Variants in NFAM1 observed in about 807,000 individuals in gnomAD.
NFAM1 encodes the protein NFAT activation molecule 1.
NFAM1 carries 17 observed loss-of-function variants against 29.0 expected under a neutral mutation model. The observed-to-expected ratio is 0.59, with a 90% CI of 0.40 to 0.88. NFAM1 has a LOEUF of 0.88. NFAM1 is among the 40% of genes least tolerant of loss of function. NFAM1 has a pLI of 0.00. For synonymous variants in NFAM1, 175 were observed against 147.2 expected (o/e 1.19, Z -1.36); for missense variants, 324 against 344.6 (o/e 0.94, Z 0.47).
chr22:42,399,329 C>T (rs1929642905), intron 3 of NFAM1, among the ~76,000 whole-genome samples: 1 of 151,822 alleles, frequency 6.6e-6, no homozygotes, highest in Non-Finnish European at 1.5e-5. Flanking sequence ...CGCCTGTAAT[C>T]CCAGCTACTC....
chr22:42,434,738 G>A (rs1014783180), upstream of NFAM1, among the ~76,000 whole-genome samples: 3 of 152,258 alleles, frequency 2.0e-5, no homozygotes, highest in Non-Finnish European at 4.4e-5. Context: ...GGCTGAAGGC[G>A]GAGCAGAGGA....
At chr22:42,411,759 G>C in intron 1 of NFAM1, 23 bp from the exon 2 acceptor site, 1 of 1,567,622 alleles carries the variant, frequency 6.4e-7, no homozygotes, top group Non-Finnish European at 8.8e-7. Flanking sequence ...CAAAGGGAGA[G>C]AGCAACAGGT....
At chr22:42,433,692 G>A (rs1930873722), upstream of NFAM1, among the ~76,000 whole-genome samples, 1 of 152,146 alleles carries the variant, frequency 6.6e-6, no homozygotes, top group African/African-American at 2.4e-5. Context: ...CGCCCACCAG[G>A]GGAGGAAGAC....
Position 42,411,462 on chromosome 22 carries a change from AGAG to A in NFAM1, c.393_395del (p.Ser132del), listed in dbSNP as rs781215390. On this transcript the variant is annotated inframe_deletion, in exon 2 of 6. Transcript: ENST00000329021. ...TCACCGTGGAGTGTGGCCAGTGGAC[AGAG>A]CAGTAGTAGGTGCCAGTGGCCGATG... 6.2e-7 allele frequency: 1 copy of A among 1,614,202 alleles called. No homozygotes were observed.
intron 3 of NFAM1, among the ~76,000 whole-genome samples, chr22:42,404,887 T>G (rs1468040663): frequency 2.0e-5 from 3 of 148,708 alleles, no homozygotes; most frequent in Non-Finnish European, 4.4e-5. Context: ...TCTCCTTCCA[T>G]GTTCACTTAG....
chr22:42,416,856 C>A (rs1930276158), intron 1 of NFAM1, among the ~76,000 whole-genome samples: 1 of 152,190 alleles, frequency 6.6e-6, no homozygotes, highest in South Asian at 2.1e-4. Flanking sequence ...AGTGAGCTGG[C>A]TGAGTGTCCT....
rs1026134161 is a variant in NFAM1 at position 42,384,893 on chromosome 22, C to T, written c.*268G>A. ...AGGAAAGCCCTTGAAGACTGAGGGGCGCTTTGCTGGTTGGGCCAAGGGAGG... is the reference window on the plus strand; with the variant it reads ...AGGAAAGCCCTTGAAGACTGAGGGGTGCTTTGCTGGTTGGGCCAAGGGAGG... On this transcript the variant is annotated 3_prime_UTR_variant, in exon 6 of 6. Coordinates refer to ENST00000329021, the MANE Select transcript of NFAM1 (RefSeq NM_145912.8). 3.3e-5 allele frequency: 18 copies of T among 552,354 alleles called. No homozygotes were observed. The highest frequency in any genetic ancestry group is 4.9e-4 in the Middle Eastern group (1 of 2,038). The allele number at this position is 552,354 out of a possible 1,614,324, so 34.2% of individuals were successfully genotyped here. A position where few individuals can be genotyped will look rare whatever the true frequency, so the allele number is the denominator to read the frequency against.
chr22:42,383,231 G>A lies in NFAM1; in HGVS notation c.*1930C>T, dbSNP rs1210544504. 6.5e-6 allele frequency: 1 copy of A among 153,134 alleles called. No individual in the cohort carries two copies. The highest frequency in any genetic ancestry group is 2.4e-5 in the African/African-American group (1 of 41,474). 9.5% of individuals were successfully genotyped at this position (153,134 alleles called of 1,614,324 possible). On this transcript the variant is annotated 3_prime_UTR_variant, in exon 6 of 6. Transcript: ENST00000329021. ...GAGGTCAGAGAGGCCCAGGAGGTGG[G>A]GGAGGCAGGCCCAGTGAGGTGGCCC...
chr22:42,432,402 G>T lies in NFAM1; in HGVS notation c.-45C>A. The T allele has an allele frequency of 1.3e-6, 2 of 1,499,138 alleles. No homozygotes were observed. The highest frequency in any genetic ancestry group is 2.7e-5 in the South Asian group (2 of 74,396). 92.9% of individuals were successfully genotyped at this position (1,499,138 alleles called of 1,614,324 possible). On this transcript the variant is annotated 5_prime_UTR_variant, in exon 1 of 6. Coordinates refer to ENST00000329021, the MANE Select transcript of NFAM1 (RefSeq NM_145912.8). ...CGGCGACTCTTTAGTTCACAGGAGG[G>T]GACGGCCGGCGCTGACAGCTTCCCC...
upstream of NFAM1, among the ~76,000 whole-genome samples, chr22:42,436,784 C>A (rs13054544): frequency 0.12 from 17,681 of 152,232 alleles, 1,224 homozygotes; most frequent in African/African-American, 0.19. Context: ...TCAGAGAACA[C>A]AAGCCACTTG....
At chr22:42,411,880 T>C (rs1374559909) in intron 1 of NFAM1, 144 bp from the exon 2 acceptor site, 4 of 628,002 alleles carry the variant, frequency 6.4e-6, no homozygotes, top group South Asian at 1.9e-5. Context: ...GGCGGATCAC[T>C]GGAGGTCAGG....
Position 42,409,432 on chromosome 22 carries a change from T to C in NFAM1, c.564+3A>G. ...TGCATGGCTGTGAGCACTGATCCCG[T>C]ACCTTGTTCCAGAGCAGCAGGGCCG... On this transcript the variant is annotated splice_donor_region_variant and intron_variant, in intron 3 of 5. Transcript: ENST00000329021. This position sits in a 1 kb window ranked among gnomAD's most constrained non-coding sequence, Gnocchi z 4.9. The C allele has an allele frequency of 6.9e-7, 1 of 1,451,118 alleles. No homozygotes were observed. The highest frequency in any genetic ancestry group is 9.2e-7 in the Non-Finnish European group (1 of 1,082,124). 89.9% of individuals were successfully genotyped at this position (1,451,118 alleles called of 1,614,324 possible).
upstream of NFAM1, among the ~76,000 whole-genome samples, chr22:42,435,812 CTTCT>C (rs1401449578): frequency 5.3e-5 from 7 of 133,168 alleles, no homozygotes; most frequent in African/African-American, 2.0e-4. Flanking sequence ...TCCTTTTCTT[CTTCT>C]TTTTTTTTTT....
rs1008135350 is a variant in NFAM1, at chr22:42,411,486, C to T, written c.372G>A (p.Ser124=). ...CAGAGCAGTAGTAGGTGCCAGTGGC[C>T]GATGCTCCCGGCAGCACAAGGGTGA... ...CQVTLVLPGA[S]ATGTYYCSVH... Residue 124 remains serine, a synonymous_variant, in exon 2 of 6, where the codon TCG becomes TCA. Coordinates refer to ENST00000329021, the MANE Select transcript of NFAM1 (RefSeq NM_145912.8). The T allele has an allele frequency of 5.0e-6, 8 of 1,613,974 alleles. No individual in the cohort carries two copies. The highest frequency in any genetic ancestry group is 1.3e-5 in the African/African-American group (1 of 74,908).
rs377343892 is a variant in NFAM1 at position 42,411,401 on chromosome 22, C to T, written c.451+6G>A. ...TGCCCTGGAAGAGCCACAGAGGAAGCCTTACCTCTGACCAGGATGAAGGTG... is the reference window on the plus strand; with the variant it reads ...TGCCCTGGAAGAGCCACAGAGGAAGTCTTACCTCTGACCAGGATGAAGGTG... On this transcript the variant is annotated splice_donor_region_variant and intron_variant, in intron 2 of 5. Coordinates refer to ENST00000329021, the MANE Select transcript of NFAM1 (RefSeq NM_145912.8). 6.2e-7 allele frequency: 1 copy of T among 1,605,848 alleles called. No homozygotes were observed. Among genetic ancestry groups the T allele is most frequent in the Non-Finnish European group, 8.5e-7 (1 of 1,173,664 alleles).
At chr22:42,386,417 A>G (rs931054718) in intron 5 of NFAM1, among the ~76,000 whole-genome samples, 6 of 134,222 alleles carry the variant, frequency 4.5e-5, no homozygotes, top group Non-Finnish European at 6.2e-5. Flanking sequence ...ACACACACAC[A>G]CACACACACA....
intron 4 of NFAM1, among the ~76,000 whole-genome samples, chr22:42,396,632 A>G (rs1047126557): frequency 6.6e-6 from 1 of 152,112 alleles, no homozygotes; most frequent in Non-Finnish European, 1.5e-5. Context: ...GGGAGACAGG[A>G]GAGAGTATGA....
At position 42,388,920 on chromosome 22, in the gene NFAM1, C is replaced by T. The variant is rs1403731691; in HGVS notation, c.664-1842G>A. ...ATGGAGGGAAACTTCCAAGTCCTGC[C>T]CTGCCTTGTGCGGCCTTCGTGCCTG... On this transcript the variant is annotated intron_variant, in intron 4 of 5. Transcript: ENST00000329021. The surrounding 1 kb of genome is among the most constrained non-coding windows in gnomAD (Gnocchi z 4.1). Among the ~76,000 whole-genome samples, 2 of 152,168 alleles carry T rather than the reference C, an allele frequency of 1.3e-5. No individual in the cohort carries two copies. Among genetic ancestry groups the T allele is most frequent in the Admixed American group, 1.3e-4 (2 of 15,278 alleles).
chr22:42,398,295 T>C (rs113473062), intron 3 of NFAM1, among the ~76,000 whole-genome samples: 157 of 152,308 alleles, frequency 1.0e-3, no homozygotes, highest in African/African-American at 3.6e-3. Flanking sequence ...CCCCTAGTGG[T>C]GCCAGCCAGG....
Sources: allele counts gnomAD v4.1 joint callset (sites outside exome capture counted in the v4.1 genomes callset), GRCh38; gene constraint gnomAD v4.1.1; non-coding constraint Gnocchi (gnomAD v3.1); transcripts MANE v1.5; gene names NCBI Gene and HGNC (gene_info 2026-07-23, HGNC 2026-07-21).